Variants in CAMTA1 observed in about 807,000 individuals in gnomAD.
The protein encoded by CAMTA1 is calmodulin binding transcription activator 1.
CAMTA1 carries 27 observed loss-of-function variants against 170.9 expected under a neutral mutation model. That is an observed-to-expected ratio of 0.16 (90% confidence interval 0.12 to 0.22). The LOEUF (loss-of-function observed/expected upper bound fraction) is 0.22, where lower values mean the gene tolerates loss of function less well. CAMTA1 is among the 10% of genes least tolerant of loss of function. The pLI, the probability that CAMTA1 is intolerant of heterozygous loss-of-function variation, is 1.00. For missense variants in CAMTA1, 1,619 were observed against 2,217.2 expected, an observed-to-expected ratio of 0.73 and a Z score of 5.42; for synonymous variants, 833 against 891.5, an observed-to-expected ratio of 0.93 and a Z score of 1.17.
chr1:6,788,679 A>G (rs940895225), intron 1 of CAMTA1, among the ~76,000 whole-genome samples: 2 of 152,038 alleles, frequency 1.3e-5, no homozygotes, highest in African/African-American at 4.8e-5. Context: ...GGTTCTTCCT[A>G]CCGTTTCCTC....
chr1:6,886,244 TA>T (rs1673184412), intron 3 of CAMTA1: 1 of 456,044 alleles, frequency 2.2e-6, no homozygotes, highest in Non-Finnish European at 4.4e-6. Flanking sequence ...ATACAGGTCT[TA>T]AAATTTTGGT....
intron 3 of CAMTA1, among the ~76,000 whole-genome samples, chr1:6,912,157 C>T (rs1679848863): frequency 6.6e-6 from 1 of 152,202 alleles, no homozygotes; most frequent in African/African-American, 2.4e-5. Flanking sequence ...TTTACTTTTG[C>T]AGCTCAATTG....
At chr1:6,865,962 C>T (rs1288320684) in intron 3 of CAMTA1, among the ~76,000 whole-genome samples, 1 of 152,124 alleles carries the variant, frequency 6.6e-6, no homozygotes, top group Non-Finnish European at 1.5e-5. Context: ...GGTATCTTGG[C>T]ATTTAAAAAA....
intron 3 of CAMTA1, among the ~76,000 whole-genome samples, chr1:6,863,409 C>T (rs573858011): frequency 6.6e-6 from 1 of 152,276 alleles, no homozygotes; most frequent in African/African-American, 2.4e-5. Flanking sequence ...GAGATCCAAT[C>T]TGCTGATGGC....
At chr1:7,594,499 G>A (rs1244975782) in intron 6 of CAMTA1, among the ~76,000 whole-genome samples, 2 of 152,220 alleles carry the variant, frequency 1.3e-5, no homozygotes, top group African/African-American at 2.4e-5. Flanking sequence ...GCAGGGCAGT[G>A]ACATGATCTG....
chr1:7,556,819 CA>C (rs1420489949), intron 6 of CAMTA1, among the ~76,000 whole-genome samples: 1 of 152,102 alleles, frequency 6.6e-6, no homozygotes, highest in Admixed American at 6.5e-5. Flanking sequence ...ATTTTGGATC[CA>C]AAAGGGCCAC....
At chr1:7,632,300 C>T (rs74053121) in intron 6 of CAMTA1, among the ~76,000 whole-genome samples, 3,053 of 152,328 alleles carry the variant, frequency 0.02, 85 homozygotes, top group African/African-American at 0.067. Flanking sequence ...CAGGCAGGCC[C>T]GCCCCCCGCG....
chr1:6,998,214 A>G (rs1283422943), intron 3 of CAMTA1, among the ~76,000 whole-genome samples: 1 of 151,958 alleles, frequency 6.6e-6, no homozygotes, highest in Non-Finnish European at 1.5e-5. Flanking sequence ...AGTAGCTGGG[A>G]CTACAGGTGC....
intron 16 of CAMTA1, among the ~76,000 whole-genome samples, chr1:7,743,702 G>A (rs1037489514): frequency 6.6e-6 from 1 of 152,042 alleles, no homozygotes; most frequent in African/African-American, 2.4e-5. Flanking sequence ...AGAACCCGAA[G>A]TGCTGTGTTT....
intron 5 of CAMTA1, chr1:7,441,071 T>A (rs1016999482): frequency 3.3e-5 from 5 of 152,232 alleles, no homozygotes; most frequent in Non-Finnish European, 7.3e-5. Context: ...CCAGCCCACT[T>A]ACCCCCAAGT....
At chr1:7,640,579 C>T in intron 7 of CAMTA1, 26 bp downstream of exon 7, 1 of 1,613,604 alleles carries the variant, frequency 6.2e-7, no homozygotes. Context: ...CGGCCTGGCG[C>T]CCCCACGCTG....
At chr1:7,382,841 TAG>T (rs2087492977) in intron 5 of CAMTA1, 1 of 99,046 alleles carries the variant, frequency 1.0e-5, no homozygotes. Context: ...GATAGATAGA[TAG>T]ATAGATAGAT....
intron 15 of CAMTA1, 43 bp downstream of exon 15, chr1:7,737,613 C>A: frequency 6.5e-7 from 1 of 1,533,968 alleles, no homozygotes; most frequent in Non-Finnish European, 8.8e-7. Flanking sequence ...TGACAGAGAT[C>A]CCGTTTGCTT....
intron 6 of CAMTA1, among the ~76,000 whole-genome samples, chr1:7,508,598 C>T (rs1343279585): frequency 6.6e-6 from 1 of 151,996 alleles, no homozygotes; most frequent in African/African-American, 2.4e-5. Context: ...GTGCCTGGCT[C>T]AGGGCAAAGG....
At chr1:7,356,922 C>A (rs1427815524) in intron 5 of CAMTA1, among the ~76,000 whole-genome samples, 1 of 152,136 alleles carries the variant, frequency 6.6e-6, no homozygotes, top group Non-Finnish European at 1.5e-5. Flanking sequence ...GCCTTGGGCC[C>A]GTGGAAGCTG....
chr1:7,026,044 C>G (rs535226664), intron 3 of CAMTA1, among the ~76,000 whole-genome samples: 1 of 151,668 alleles, frequency 6.6e-6, no homozygotes, highest in African/African-American at 2.4e-5. Flanking sequence ...TGCTTGAGCC[C>G]GGAAGATGGA....
At chr1:6,852,923 G>A (rs1033713745) in intron 3 of CAMTA1, 4 of 152,186 alleles carry the variant, frequency 2.6e-5, no homozygotes, top group African/African-American at 9.7e-5. Flanking sequence ...TTGGTAACCA[G>A]TCGCCATTCT....
Position 7,519,416 on chromosome 1 carries a change from G to T in CAMTA1, c.510+51515G>T, listed in dbSNP as rs531679397. Among the ~76,000 whole-genome samples the T allele has an allele frequency of 2.6e-5, 4 of 152,080 alleles. No homozygotes were observed. In the South Asian group the frequency reaches 8.3e-4, roughly 31 times the overall value. ...TGTCTTGGCAGAAGGAGCTCTGCAC[G>T]CCTGGAGCCTGGTGTGGAGGGGGAA... is the stretch of plus-strand genomic sequence containing the variant. On this transcript the variant is annotated intron_variant, in intron 6 of 22. Transcript: ENST00000303635.
chr1:7,340,886 C>G (rs917667144), intron 5 of CAMTA1, among the ~76,000 whole-genome samples: 5 of 152,148 alleles, frequency 3.3e-5, no homozygotes, highest in African/African-American at 9.7e-5. Flanking sequence ...GGAGTTCACA[C>G]CATGAACAAA....
Sources: gnomAD v4.1 joint callset for allele counts (sites outside exome capture counted in the v4.1 genomes callset) on GRCh38, gnomAD v4.1.1 for gene constraint, MANE v1.5 for transcripts, NCBI Gene and HGNC (gene_info 2026-07-23, HGNC 2026-07-21) for gene names.